PHACTR1: variants seen among roughly 807,000 people sequenced by gnomAD.
The protein encoded by PHACTR1 is phosphatase and actin regulator 1, also known as RPEL repeat containing 1.
A neutral mutation model predicts 69.2 loss-of-function variants in PHACTR1; 16 were observed. That is an observed-to-expected ratio of 0.23 (90% confidence interval 0.16 to 0.35). The LOEUF (loss-of-function observed/expected upper bound fraction) is 0.35. Among genes scored for constraint, PHACTR1 ranks in the 10% least tolerant of loss-of-function variants. PHACTR1 has a pLI of 1.00. For synonymous variants in PHACTR1, 312 were observed against 284.5 expected (o/e 1.10, Z -0.97); for missense variants, 510 against 734.7 (o/e 0.69, Z 3.54).
chr6:13,074,039 A>G (rs1242847907), intron 5 of PHACTR1, among the ~76,000 whole-genome samples: 2 of 151,818 alleles, frequency 1.3e-5, no homozygotes, highest in Non-Finnish European at 1.5e-5. Context: ...TGCCTGGCTA[A>G]TTTTTGTATT....
At chr6:13,026,046 C>A (rs905201179) in intron 4 of PHACTR1, among the ~76,000 whole-genome samples, 2 of 152,168 alleles carry the variant, frequency 1.3e-5, no homozygotes, top group African/African-American at 4.8e-5. Flanking sequence ...ATAATTATGA[C>A]AGATGGGTCA....
intron 4 of PHACTR1, among the ~76,000 whole-genome samples, chr6:12,881,387 T>C (rs1783080993): frequency 6.6e-6 from 1 of 152,146 alleles, no homozygotes; most frequent in Non-Finnish European, 1.5e-5. Flanking sequence ...ACAATGGTGA[T>C]AGCTAGGAGG....
Position 12,896,969 on chromosome 6 carries a change from T to C in PHACTR1, c.250+147179T>C, listed in dbSNP as rs148370358. On this transcript the variant is annotated intron_variant, in intron 4 of 14. Coordinates refer to ENST00000332995, the MANE Select transcript of PHACTR1 (RefSeq NM_030948.6). ...GATAGTGAAGTTTAAGCTCCCAGTA[T>C]GCCTTCTTGAGCAGTTAGTTCACTG... Among the ~76,000 whole-genome samples the C allele has an allele frequency of 2.7e-3, 404 of 152,316 alleles. 2 individuals carry two copies. Among genetic ancestry groups the C allele is most frequent in the African/African-American group, 9.4e-3 (390 of 41,564 alleles).
chr6:13,224,801 T>G (rs1390777465), intron 8 of PHACTR1, among the ~76,000 whole-genome samples: 1 of 152,204 alleles, frequency 6.6e-6, no homozygotes, highest in African/African-American at 2.4e-5. Flanking sequence ...AAAGTTCTCA[T>G]GGGTGAGGCT....
chr6:13,096,872 C>T (rs761019162), intron 5 of PHACTR1, among the ~76,000 whole-genome samples: 2 of 152,136 alleles, frequency 1.3e-5, no homozygotes, highest in Non-Finnish European at 2.9e-5. Context: ...TCCCTCCTGT[C>T]GTGCGTGACT....
chr6:13,256,152 G>C (rs1185154547), intron 10 of PHACTR1, among the ~76,000 whole-genome samples: 2 of 152,250 alleles, frequency 1.3e-5, no homozygotes, highest in Non-Finnish European at 2.9e-5. Context: ...CGTACAGTTT[G>C]CACCCTCTGA....
At chr6:12,773,660 G>A (rs569911623) in intron 4 of PHACTR1, among the ~76,000 whole-genome samples, 3 of 151,980 alleles carry the variant, frequency 2.0e-5, no homozygotes, top group Non-Finnish European at 4.4e-5. Context: ...TAATATCTGA[G>A]CTGTGAATAT....
chr6:12,838,431 C>G (rs1213870427), intron 4 of PHACTR1, among the ~76,000 whole-genome samples: 1 of 152,124 alleles, frequency 6.6e-6, no homozygotes, highest in Non-Finnish European at 1.5e-5. Context: ...CATATATAAC[C>G]CCTGCTATCC....
chr6:13,169,984 T>A (rs1760355462), intron 6 of PHACTR1, among the ~76,000 whole-genome samples: 2 of 152,192 alleles, frequency 1.3e-5, no homozygotes, highest in African/African-American at 4.8e-5. Flanking sequence ...CATAATAAAG[T>A]CCAATTGTAG....
In PHACTR1 at chr6:13,275,584, G is replaced by A. The variant is rs1778717944; in HGVS notation, c.1447+2669G>A. The A allele has an allele frequency of 6.6e-6, 1 of 152,180 alleles. No homozygotes were observed. Among genetic ancestry groups the A allele is most frequent in the Non-Finnish European group, 1.5e-5 (1 of 68,090 alleles). 9.4% of individuals were successfully genotyped at this position (152,180 alleles called of 1,614,324 possible). Reference sequence around the variant, plus strand: ...AGAAGTCTGAGGCTAGTAATGAGGAGGAGAGCCGGCCCCACACAAAACATG... The same window carrying A: ...AGAAGTCTGAGGCTAGTAATGAGGAAGAGAGCCGGCCCCACACAAAACATG... On this transcript the variant is annotated intron_variant, in intron 11 of 14. Coordinates refer to ENST00000332995, the MANE Select transcript of PHACTR1 (RefSeq NM_030948.6). The surrounding 1 kb of genome is among the most constrained non-coding windows in gnomAD (Gnocchi z 4.0).
chr6:13,067,486 A>C (rs543125101), intron 5 of PHACTR1, among the ~76,000 whole-genome samples: 1 of 152,344 alleles, frequency 6.6e-6, no homozygotes, highest in Admixed American at 6.5e-5. Flanking sequence ...GAAGCTCATC[A>C]ATAAAAACTG....
At chr6:13,059,063 T>C (rs372000149) in intron 5 of PHACTR1, among the ~76,000 whole-genome samples, 1 of 152,088 alleles carries the variant, frequency 6.6e-6, no homozygotes, top group East Asian at 1.9e-4. Context: ...GGGTCAAACA[T>C]GAGAAGGAGA....
At chr6:13,258,807 G>A (rs1339897097) in intron 10 of PHACTR1, among the ~76,000 whole-genome samples, 2 of 152,190 alleles carry the variant, frequency 1.3e-5, no homozygotes, top group Admixed American at 6.5e-5. Flanking sequence ...AAAAGCAAAG[G>A]CTAAATTTTA....
chr6:13,268,130 G>C (rs532133460), intron 10 of PHACTR1, among the ~76,000 whole-genome samples: 13 of 152,132 alleles, frequency 8.5e-5, no homozygotes, highest in Admixed American at 1.3e-4. Context: ...AGCTGGGCGT[G>C]GTGGCACACA....
intron 10 of PHACTR1, among the ~76,000 whole-genome samples, chr6:13,271,287 A>G (rs1291087501): frequency 2.6e-5 from 4 of 152,200 alleles, no homozygotes; most frequent in Non-Finnish European, 4.4e-5. Context: ...TCCCCATCCA[A>G]GCACCTTGCA....
At chr6:12,894,747 T>G (rs978950791) in intron 4 of PHACTR1, among the ~76,000 whole-genome samples, 1 of 152,158 alleles carries the variant, frequency 6.6e-6, no homozygotes, top group Non-Finnish European at 1.5e-5. Flanking sequence ...ATCTGAGAAA[T>G]GGAATCGAAT....
chr6:13,086,621 C>A (rs1269152716), intron 5 of PHACTR1, among the ~76,000 whole-genome samples: 1 of 152,064 alleles, frequency 6.6e-6, no homozygotes, highest in East Asian at 1.9e-4. Context: ...ATTTCAGATT[C>A]ATCTGTGTTA....
intron 4 of PHACTR1, among the ~76,000 whole-genome samples, chr6:12,830,771 T>C (rs1777477582): frequency 6.6e-6 from 1 of 151,876 alleles, no homozygotes; most frequent in Non-Finnish European, 1.5e-5. Context: ...TTTGTATTTT[T>C]TTTTAGTAGA....
chr6:13,007,253 T>C (rs939754184), intron 4 of PHACTR1, among the ~76,000 whole-genome samples: 2 of 152,208 alleles, frequency 1.3e-5, no homozygotes, highest in African/African-American at 4.8e-5. Context: ...GGTACTTTTA[T>C]TTCTATAAGA....
Sources: gnomAD v4.1 joint callset for allele counts (sites outside exome capture counted in the v4.1 genomes callset) on GRCh38, gnomAD v4.1.1 for gene constraint, Gnocchi (gnomAD v3.1) non-coding constraint, MANE v1.5 for transcripts, NCBI Gene and HGNC (gene_info 2026-07-23, HGNC 2026-07-21) for gene names.